The following AXIN2 variants were observed in gnomAD, a reference collection of about 807,000 sequenced individuals.
The protein encoded by AXIN2 is axin 2.
In AXIN2, 21 loss-of-function variants were observed where a neutral mutation model predicts 74.7. That is an observed-to-expected ratio of 0.28 (90% CI 0.20 to 0.40). The LOEUF is 0.40. Ranked by LOEUF, AXIN2 falls within the 10% of genes least tolerant of loss-of-function variation. The pLI, the probability that AXIN2 is intolerant of heterozygous loss-of-function variation, is 1.00. For synonymous variants in AXIN2, 532 were observed against 454.9 expected, an observed-to-expected ratio of 1.17 and a Z score of -2.16; for missense variants, 1,144 against 1,111.1, an observed-to-expected ratio of 1.03 and a Z score of -0.42.
intron 9 of AXIN2, 102 bp downstream of exon 9, chr17:65,535,523 TA>T (rs2043895026): frequency 4.9e-6 from 6 of 1,213,522 alleles, no homozygotes; most frequent in Non-Finnish European, 7.2e-6. Context: ...AAAGTGATTT[TA>T]AAAACCAAAA....
chr17:65,547,793 A>G (rs913661018), intron 3 of AXIN2, among the ~76,000 whole-genome samples: 1 of 152,230 alleles, frequency 6.6e-6, no homozygotes, highest in African/African-American at 2.4e-5. Flanking sequence ...GCTTGCTAGA[A>G]GCAAGCACAC....
intron 8 of AXIN2, 137 bp from the exon 9 acceptor site, chr17:65,535,858 G>C (rs2043903297): frequency 3.8e-6 from 3 of 797,216 alleles, no homozygotes; most frequent in African/African-American, 1.7e-5. Flanking sequence ...ACCCAACCAA[G>C]ACCCTGGGTT....
chr17:65,531,444 C>A (rs2043815878), intron 10 of AXIN2, among the ~76,000 whole-genome samples: 1 of 151,284 alleles, frequency 6.6e-6, no homozygotes, highest in South Asian at 2.1e-4. Context: ...TGAGAGGAGA[C>A]AGTGAGAAAA....
chr17:65,536,486 G>C lies in AXIN2; in HGVS notation c.1975C>G (p.Arg659Gly), dbSNP rs142670753. The change falls in exon 8 of 11, where the codon CGG (arginine) becomes GGG (glycine). Residue 659 changes from arginine (R) to glycine (G), a missense_variant. By Grantham distance (125) the Arg-to-Gly change is moderately radical. Around this residue, in one of 4 missense-constraint regions of AXIN2, gnomAD observed 1,053 missense variants for 973.5 expected, o/e 1.08. Coordinates refer to ENST00000307078, the MANE Select transcript of AXIN2 (RefSeq NM_004655.4). The stretch of plus-strand genomic sequence containing the variant: ...CTGTTGCCCCCCCACAGATGGTGCC[G>C]GCTGGCTCGTTCGCCTGGAGACGAG... ...ARSSPGERASRHHLWGGNSGH... is the reference protein window; with the variant it reads ...ARSSPGERASGHHLWGGNSGH... The C allele has an allele frequency of 6.2e-7, 1 of 1,613,868 alleles. No homozygotes were observed. Among genetic ancestry groups the C allele is most frequent in the South Asian group, 1.1e-5 (1 of 91,086 alleles).
chr17:65,528,884 C>T lies in AXIN2; in HGVS notation c.*1092G>A, dbSNP rs1053491076. 11 of 393,104 alleles carry T rather than the reference C, an allele frequency of 2.8e-5. No homozygotes were observed. Among genetic ancestry groups the T allele is most frequent in the South Asian group, 8.6e-5 (3 of 34,946 alleles). 24.4% of individuals were successfully genotyped at this position (393,104 alleles called of 1,614,324 possible). A position where few individuals can be genotyped will look rare whatever the true frequency, so the allele number is the denominator to read the frequency against. On this transcript the variant is annotated 3_prime_UTR_variant, in exon 11 of 11. Transcript: ENST00000307078. ...AGATAGTGGATTAATACTCTTTTGCCGTACACTATATACAGATGTATAGTA... is the reference window on the plus strand; with the variant it reads ...AGATAGTGGATTAATACTCTTTTGCTGTACACTATATACAGATGTATAGTA...
rs554971283 is a variant in AXIN2, at chr17:65,553,550, G to T, written c.816-3890C>A. Among the ~76,000 whole-genome samples the T allele has an allele frequency of 5.9e-5, 9 of 152,240 alleles. No individual in the cohort carries two copies. The South Asian group carries it at 1.9e-3, about 32-fold the overall frequency. ...ACCCTATGTGTGCTCACACGGCTTTGCACTCGTTGTTTAACACATGGATCC... is the reference window on the plus strand; with the variant it reads ...ACCCTATGTGTGCTCACACGGCTTTTCACTCGTTGTTTAACACATGGATCC... On this transcript the variant is annotated intron_variant, in intron 2 of 10. Coordinates refer to ENST00000307078, the MANE Select transcript of AXIN2 (RefSeq NM_004655.4).
At chr17:65,538,064 A>C in intron 5 of AXIN2, 139 bp downstream of exon 5, 2 of 1,488,354 alleles carry the variant, frequency 1.3e-6, no homozygotes, top group South Asian at 2.4e-5. Context: ...GCCCAGGCAC[A>C]CACCCACACG....
chr17:65,557,799 G>C lies in AXIN2; in HGVS notation c.815+7C>G, dbSNP rs142103235. 1 of 1,613,948 alleles carries C rather than the reference G, an allele frequency of 6.2e-7. No homozygotes were observed. Among genetic ancestry groups the C allele is most frequent in the Non-Finnish European group, 8.5e-7 (1 of 1,179,954 alleles). Reference sequence around the variant, plus strand: ...CATCAGCCCACCCGCCCCCGTCAAAGTCTTACCTGTATCCACTGTCAACAG... The same window carrying C: ...CATCAGCCCACCCGCCCCCGTCAAACTCTTACCTGTATCCACTGTCAACAG... On this transcript the variant is annotated splice_region_variant and intron_variant, in intron 2 of 10. Transcript: ENST00000307078.
chr17:65,554,803 G>A (rs867744802), intron 2 of AXIN2, among the ~76,000 whole-genome samples: 27 of 152,296 alleles, frequency 1.8e-4, no homozygotes, highest in Admixed American at 5.2e-4. Flanking sequence ...GCAGAAAGGC[G>A]AGGACACAGG....
rs530465133 is a variant in AXIN2 at position 65,537,588 on chromosome 17, G to C, written c.1448C>G (p.Pro483Arg). 4.4e-6 allele frequency: 7 copies of C among 1,606,490 alleles called. No homozygotes were observed. The Admixed American group carries it at 5.1e-5, about 12-fold the overall frequency. Residue 483 changes from proline to arginine, a missense_variant, in exon 6 of 11, where the codon CCC becomes CGC. By Grantham distance (103) the Pro-to-Arg change is moderately radical. Around this residue, in one of 4 missense-constraint regions of AXIN2, gnomAD observed 1,053 missense variants for 973.5 expected, o/e 1.08. Coordinates refer to ENST00000307078, the MANE Select transcript of AXIN2 (RefSeq NM_004655.4). ...HHSQYHSLLP[P>R]GGKLPPAAAS... is the part of the protein sequence containing the mutation. ...GGCCGCGGGAGGCAGCTTGCCACCG[G>C]GCGGGAGCAGGGAGTGGTACTGCGA...
intron 3 of AXIN2, among the ~76,000 whole-genome samples, chr17:65,543,809 A>C (rs1020570342): frequency 6.6e-5 from 10 of 152,136 alleles, no homozygotes; most frequent in Admixed American, 2.0e-4. Context: ...AAATTTGTGG[A>C]ATTTTCTGGG....
chr17:65,553,700 A>G (rs1370926147), intron 2 of AXIN2, among the ~76,000 whole-genome samples: 1 of 152,198 alleles, frequency 6.6e-6, no homozygotes, highest in East Asian at 1.9e-4. Context: ...TCCCACAATC[A>G]TAACAAGACA....
chr17:65,540,098 AG>A (rs1283610252), intron 4 of AXIN2, among the ~76,000 whole-genome samples: 7 of 152,268 alleles, frequency 4.6e-5, no homozygotes, highest in African/African-American at 1.7e-4. Flanking sequence ...GGAGTTGGAA[AG>A]GAACAGCTAC....
chr17:65,544,269 TA>T (rs1282218712), intron 3 of AXIN2, among the ~76,000 whole-genome samples: 2,216 of 142,130 alleles, frequency 0.016, 43 homozygotes, highest in African/African-American at 0.049. Context: ...ATAATAAGGT[TA>T]AAAAAAAAAA....
chr17:65,543,408 T>C (rs892941839), intron 3 of AXIN2, among the ~76,000 whole-genome samples: 3 of 152,338 alleles, frequency 2.0e-5, no homozygotes. Context: ...CTTATAAGCA[T>C]GCCTGGCTTG....
rs2043983678 is a variant in AXIN2, at chr17:65,538,410, G to C, written c.1060-67C>G. ...GGCTAGGTGGGCGGTGGCTTGGCCGGAGCTTCCCGCACCAGGCGCTGTGCA... is the reference window on the plus strand; with the variant it reads ...GGCTAGGTGGGCGGTGGCTTGGCCGCAGCTTCCCGCACCAGGCGCTGTGCA... On this transcript the variant is annotated intron_variant, in intron 4 of 10. Transcript: ENST00000307078. 5 of 1,602,076 alleles carry C rather than the reference G, an allele frequency of 3.1e-6. No individual in the cohort carries two copies. In the African/African-American group the frequency reaches 4.0e-5, roughly 13 times the overall value.
intron 3 of AXIN2, among the ~76,000 whole-genome samples, chr17:65,543,246 G>A (rs1464545812): frequency 6.6e-6 from 1 of 152,164 alleles, no homozygotes; most frequent in Non-Finnish European, 1.5e-5. Flanking sequence ...GGAAGGATTC[G>A]CAGCAGCTGG....
At chr17:65,553,556 GTTGT>G (rs770564890) in intron 2 of AXIN2, among the ~76,000 whole-genome samples, 4 of 151,982 alleles carry the variant, frequency 2.6e-5, no homozygotes, top group Non-Finnish European at 2.9e-5. Context: ...CTTTGCACTC[GTTGT>G]TTAACACATG....
chr17:65,558,753 G>A lies in AXIN2; in HGVS notation c.-116-17C>T. 2.2e-6 allele frequency: 2 copies of A among 894,638 alleles called. No homozygotes were observed. Among genetic ancestry groups the A allele is most frequent in the Non-Finnish European group, 3.5e-6 (2 of 565,746 alleles). The allele number at this position is 894,638 out of a possible 1,614,324, so 55.4% of individuals were successfully genotyped here. ...ACCTCCTCTCTGGAAAGAAAAGGAA[G>A]GGGGGAGGTGGGGAGAGAGAAAAGG... On this transcript the variant is annotated splice_polypyrimidine_tract_variant and intron_variant, in intron 1 of 10. Coordinates refer to ENST00000307078, the MANE Select transcript of AXIN2 (RefSeq NM_004655.4).
Sources: allele counts gnomAD v4.1 joint callset (sites outside exome capture counted in the v4.1 genomes callset), GRCh38; gene constraint gnomAD v4.1.1; regional missense constraint gnomAD v4.1.1; transcripts MANE v1.5; gene names NCBI Gene and HGNC (gene_info 2026-07-23, HGNC 2026-07-21).